KCMF1: variants seen among roughly 807,000 people sequenced by gnomAD.
KCMF1 encodes potassium channel modulatory factor 1, also known as E3 ubiquitin-protein ligase KCMF1.
A neutral mutation model predicts 41.1 loss-of-function variants in KCMF1; 3 were observed. That is an observed-to-expected ratio of 0.07 (90% CI 0.03 to 0.19). The LOEUF is 0.19. KCMF1 is among the 10% of genes least tolerant of loss of function. KCMF1 has a pLI of 1.00. For missense variants in KCMF1, 286 were observed against 488.9 expected (o/e 0.58, Z 3.91); for synonymous variants, 142 against 164.5 (o/e 0.86, Z 1.04).
intron 1 of KCMF1, among the ~76,000 whole-genome samples, chr2:85,017,647 A>G (rs922923615): frequency 1.3e-5 from 2 of 151,552 alleles, no homozygotes; most frequent in African/African-American, 2.4e-5. Flanking sequence ...CAGGCCTTCA[A>G]ATTCCAAATG....
At chr2:85,008,374 T>TATATTATATATCATAC (rs1674558697) in intron 1 of KCMF1, among the ~76,000 whole-genome samples, 1 of 29,436 alleles carries the variant, frequency 3.4e-5, no homozygotes, top group Non-Finnish European at 8.1e-5. Flanking sequence ...ATATATCATA[T>TATATTATATATCATAC]GATATATTAT....
At chr2:84,977,244 G>T (rs1435050073) in intron 1 of KCMF1, among the ~76,000 whole-genome samples, 6 of 152,116 alleles carry the variant, frequency 3.9e-5, no homozygotes, top group African/African-American at 1.4e-4. Context: ...AAATAATTTG[G>T]TTTTGGGATT....
intron 1 of KCMF1, among the ~76,000 whole-genome samples, chr2:84,989,921 A>G (rs1272192394): frequency 6.6e-6 from 1 of 152,212 alleles, no homozygotes; most frequent in Non-Finnish European, 1.5e-5. Flanking sequence ...AGTGATGTTG[A>G]AAATACATGG....
chr2:84,985,392 AT>A (rs1273338451), intron 1 of KCMF1, among the ~76,000 whole-genome samples: 1 of 151,972 alleles, frequency 6.6e-6, no homozygotes, highest in African/African-American at 2.4e-5. Context: ...CTCTAAGAAC[AT>A]TTCTTTACAA....
intron 1 of KCMF1, among the ~76,000 whole-genome samples, chr2:85,007,325 TAGAAG>T (rs1221851370): frequency 6.6e-5 from 10 of 152,316 alleles, no homozygotes; most frequent in African/African-American, 2.4e-4. Flanking sequence ...TGGAAGCCCT[TAGAAG>T]AGAAGCTGAA....
intron 1 of KCMF1, among the ~76,000 whole-genome samples, chr2:85,021,800 A>C (rs934009196): frequency 1.3e-5 from 2 of 151,982 alleles, no homozygotes; most frequent in African/African-American, 4.8e-5. Flanking sequence ...AATAACAGGG[A>C]ATCCCATGGT....
At chr2:85,046,042 ACT>A in intron 4 of KCMF1, 60 bp from the exon 5 acceptor site, 1 of 1,334,970 alleles carries the variant, frequency 7.5e-7, no homozygotes, top group Non-Finnish European at 1.0e-6. Context: ...TCTAGCAAGG[ACT>A]CAGGTGATTT....
intron 1 of KCMF1, 29 bp downstream of exon 1, chr2:84,971,496 C>A: frequency 8.3e-7 from 1 of 1,207,398 alleles, no homozygotes; most frequent in Non-Finnish European, 1.1e-6. Flanking sequence ...CCCACCCGCA[C>A]CTCCCGGGCC....
In KCMF1 at chr2:85,046,095, T is replaced by C. The variant is rs1377379670; in HGVS notation, c.427-9T>C. 1 of 1,600,026 alleles carries C rather than the reference T, an allele frequency of 6.2e-7. No individual in the cohort carries two copies. Among genetic ancestry groups the C allele is most frequent in the Admixed American group, 1.7e-5 (1 of 57,568 alleles). ...AATACTTTCGTTTTTTTCTTAACTT[T>C]TGGGTTATGATGAATCGAGTGGTGT... is the stretch of plus-strand genomic sequence containing the variant. On this transcript the variant is annotated splice_polypyrimidine_tract_variant and intron_variant, in intron 4 of 6. Transcript: ENST00000409785.
chr2:84,984,399 C>T (rs1673845623), intron 1 of KCMF1, among the ~76,000 whole-genome samples: 1 of 152,134 alleles, frequency 6.6e-6, no homozygotes, highest in Non-Finnish European at 1.5e-5. Flanking sequence ...TCACACTTGG[C>T]TGTGGATTTC....
chr2:85,050,935 G>A (rs1675793531), intron 6 of KCMF1, among the ~76,000 whole-genome samples: 1 of 152,110 alleles, frequency 6.6e-6, no homozygotes, highest in African/African-American at 2.4e-5. Flanking sequence ...TGGACCTCAG[G>A]CAAGTCATTT....
chr2:84,979,199 G>A (rs533572960), intron 1 of KCMF1, among the ~76,000 whole-genome samples: 3 of 152,248 alleles, frequency 2.0e-5, no homozygotes, highest in Admixed American at 6.5e-5. Context: ...TGAAGGCTAA[G>A]CTGTCATTGA....
rs1674982878 is a variant in KCMF1, at chr2:85,022,993, T to G, written c.17-4896T>G. 2.7e-5 allele frequency among the ~76,000 whole-genome samples: 4 copies of G among 148,200 alleles called. No homozygotes were observed. In the South Asian group the frequency reaches 8.7e-4, roughly 32 times the overall value. On this transcript the variant is annotated intron_variant, in intron 1 of 6. Coordinates refer to ENST00000409785, the MANE Select transcript of KCMF1 (RefSeq NM_020122.5). ...AGCTCCGCCTCCTGGGTTCACGCCA[T>G]TCTCCTGCCTCAGTCTCCCCAGAAG...
chr2:85,006,307 T>C (rs1674470866), intron 1 of KCMF1, among the ~76,000 whole-genome samples: 1 of 140,276 alleles, frequency 7.1e-6, no homozygotes, highest in Admixed American at 7.1e-5. Context: ...TTTTTTTTTT[T>C]TTTTTTTTTT....
At chr2:84,997,419 C>T (rs1055022983) in intron 1 of KCMF1, among the ~76,000 whole-genome samples, 6 of 152,108 alleles carry the variant, frequency 3.9e-5, no homozygotes, top group Non-Finnish European at 7.4e-5. Context: ...AAGGCGGTTA[C>T]CATGCCCATG....
chr2:85,048,587 C>T (rs891523525), intron 5 of KCMF1, among the ~76,000 whole-genome samples: 1 of 152,188 alleles, frequency 6.6e-6, no homozygotes, highest in African/African-American at 2.4e-5. Flanking sequence ...GAGGTGGACC[C>T]TCCACTTGGA....
At chr2:84,997,763 TC>T (rs1485210141) in intron 1 of KCMF1, among the ~76,000 whole-genome samples, 6 of 148,626 alleles carry the variant, frequency 4.0e-5, no homozygotes, top group East Asian at 2.1e-4. Context: ...AAATACATTT[TC>T]TTTTTTTTTT....
chr2:85,020,113 CT>C (rs1480886681), intron 1 of KCMF1, among the ~76,000 whole-genome samples: 1 of 152,066 alleles, frequency 6.6e-6, no homozygotes, highest in Non-Finnish European at 1.5e-5. Flanking sequence ...GTATCAGCAT[CT>C]TTTTACTGAA....
intron 1 of KCMF1, among the ~76,000 whole-genome samples, chr2:84,974,568 G>A (rs1256466282): frequency 6.8e-6 from 1 of 147,066 alleles, no homozygotes; most frequent in Admixed American, 6.9e-5. Flanking sequence ...AGCTGTAATA[G>A]TACGAAAGCA....
Sources: gnomAD v4.1 joint callset for allele counts (sites outside exome capture counted in the v4.1 genomes callset) on GRCh38, gnomAD v4.1.1 for gene constraint, MANE v1.5 for transcripts, NCBI Gene and HGNC (gene_info 2026-07-23, HGNC 2026-07-21) for gene names.